The following RALYL variants were observed in gnomAD, a reference collection of about 807,000 sequenced individuals.
RALYL encodes RNA-binding Raly-like protein.
RALYL carries 29 observed loss-of-function variants against 35.1 expected under a neutral mutation model. The ratio of observed to expected loss-of-function variants is 0.83; its 90% CI spans 0.61 to 1.13. The LOEUF (loss-of-function observed/expected upper bound fraction) is 1.13. RALYL is among the 50% of genes most tolerant of loss of function. RALYL has a pLI of 0.00. For missense variants in RALYL, 359 were observed against 360.4 expected, an observed-to-expected ratio of 1.00 and a Z score of 0.03; for synonymous variants, 120 against 127.6, an observed-to-expected ratio of 0.94 and a Z score of 0.40.
At chr8:84,502,905 C>T (rs1457006810) in intron 1 of RALYL, among the ~76,000 whole-genome samples, 1 of 137,764 alleles carries the variant, frequency 7.3e-6, no homozygotes, top group African/African-American at 2.6e-5. Context: ...AATCAAAGAC[C>T]CACTCTTTAA....
At chr8:84,761,000 T>C (rs914965829) in intron 2 of RALYL, among the ~76,000 whole-genome samples, 3 of 152,100 alleles carry the variant, frequency 2.0e-5, no homozygotes, top group African/African-American at 4.8e-5. Flanking sequence ...ATAGAAAATA[T>C]GTTAAAAGCA....
At chr8:84,885,125 T>C (rs954578265) in intron 7 of RALYL, among the ~76,000 whole-genome samples, 3 of 152,018 alleles carry the variant, frequency 2.0e-5, no homozygotes, top group African/African-American at 7.2e-5. Flanking sequence ...AATAGATGTG[T>C]ATGTGGGTTA....
intron 7 of RALYL, among the ~76,000 whole-genome samples, chr8:84,877,241 C>T (rs1190058313): frequency 6.6e-6 from 1 of 152,110 alleles, no homozygotes; most frequent in African/African-American, 2.4e-5. Context: ...AATCCTAGCA[C>T]TTTGGGAGGC....
At chr8:84,445,121 C>G in intron 1 of RALYL, among the ~76,000 whole-genome samples, 1 of 152,034 alleles carries the variant, frequency 6.6e-6, no homozygotes, top group East Asian at 1.9e-4. Flanking sequence ...ACTAGATTAT[C>G]ACATTAATTC....
intron 1 of RALYL, among the ~76,000 whole-genome samples, chr8:84,418,531 CCTTT>C (rs1156274634): frequency 6.6e-6 from 1 of 151,948 alleles, no homozygotes; most frequent in Non-Finnish European, 1.5e-5. Flanking sequence ...TTTATTTACT[CCTTT>C]CTTTATTTAA....
chr8:84,277,439 A>G (rs1221885698), intron 1 of RALYL, among the ~76,000 whole-genome samples: 3 of 152,238 alleles, frequency 2.0e-5, no homozygotes, highest in Admixed American at 1.3e-4. Context: ...CAGCCAAACC[A>G]TATCATTCTG....
At chr8:84,287,026 G>A (rs553719777) in intron 1 of RALYL, among the ~76,000 whole-genome samples, 1 of 152,230 alleles carries the variant, frequency 6.6e-6, no homozygotes, top group Admixed American at 6.5e-5. Context: ...GACTTTCTTG[G>A]CTACTGTTTT....
intron 2 of RALYL, among the ~76,000 whole-genome samples, chr8:84,722,226 T>C (rs755976569): frequency 1.2e-4 from 18 of 152,112 alleles, no homozygotes; most frequent in Non-Finnish European, 1.6e-4. Flanking sequence ...CTGAGTATAA[T>C]TGAGATTTCC....
chr8:84,373,806 G>A (rs1856401944), intron 1 of RALYL, among the ~76,000 whole-genome samples: 1 of 151,872 alleles, frequency 6.6e-6, no homozygotes, highest in African/African-American at 2.4e-5. Context: ...GGGTGGTATG[G>A]CCATTTTTAT....
At chr8:84,410,717 G>C (rs556522567) in intron 1 of RALYL, among the ~76,000 whole-genome samples, 13 of 151,616 alleles carry the variant, frequency 8.6e-5, no homozygotes, top group Non-Finnish European at 4.4e-5. Flanking sequence ...AACAAAAAAA[G>C]ATTTAATACG....
intron 7 of RALYL, 53 bp from the exon 8 acceptor site, chr8:84,887,551 A>G: frequency 6.6e-7 from 1 of 1,510,400 alleles, no homozygotes; most frequent in Non-Finnish European, 8.9e-7. Flanking sequence ...GGTTTATCCA[A>G]ATGGCTCATG....
chr8:84,658,795 G>A (rs1830391430), intron 2 of RALYL, among the ~76,000 whole-genome samples: 1 of 152,086 alleles, frequency 6.6e-6, no homozygotes, highest in Non-Finnish European at 1.5e-5. Context: ...GAGAAGAGGG[G>A]ACGTATTGAA....
chr8:84,719,624 T>G (rs1383357475), intron 2 of RALYL, among the ~76,000 whole-genome samples: 2 of 152,178 alleles, frequency 1.3e-5, no homozygotes, highest in Non-Finnish European at 2.9e-5. Context: ...TGATACTAGT[T>G]TCTAGTTAAT....
chr8:84,311,264 T>C (rs1361369388), intron 1 of RALYL, among the ~76,000 whole-genome samples: 1 of 151,782 alleles, frequency 6.6e-6, no homozygotes, highest in Non-Finnish European at 1.5e-5. Context: ...TTATCACCAC[T>C]ACTGTTTAAT....
At chr8:84,832,757 C>T (rs553475157) in intron 4 of RALYL, among the ~76,000 whole-genome samples, 5 of 152,252 alleles carry the variant, frequency 3.3e-5, no homozygotes, top group African/African-American at 1.2e-4. Flanking sequence ...TAATCCTCTT[C>T]TCTAAAAAGA....
intron 3 of RALYL, among the ~76,000 whole-genome samples, chr8:84,781,645 A>G (rs1818197425): frequency 6.6e-6 from 1 of 152,234 alleles, no homozygotes; most frequent in South Asian, 2.1e-4. Flanking sequence ...AGGAAGTAAA[A>G]CCATGCAATC....
intron 2 of RALYL, among the ~76,000 whole-genome samples, chr8:84,647,031 G>C (rs1214685214): frequency 6.6e-6 from 1 of 152,050 alleles, no homozygotes; most frequent in African/African-American, 2.4e-5. Flanking sequence ...TCCTGGATGT[G>C]TGAATCATCT....
Position 84,869,847 on chromosome 8 carries a change from C to G in RALYL, c.572-3437C>G, listed in dbSNP as rs186219831. Among the ~76,000 whole-genome samples, 3 of 152,224 alleles carry G rather than the reference C, an allele frequency of 2.0e-5. No homozygotes were observed. The East Asian group carries it at 5.8e-4, about 29-fold the overall frequency. On this transcript the variant is annotated intron_variant, in intron 6 of 8. Transcript: ENST00000521268. ...AGAAATGCACAGATTTTTATATAGACAGATGATATCATCCCGTGTGCCTAA... is the reference window on the plus strand; with the variant it reads ...AGAAATGCACAGATTTTTATATAGAGAGATGATATCATCCCGTGTGCCTAA...
At chr8:84,692,419 G>C (rs534259122) in intron 2 of RALYL, among the ~76,000 whole-genome samples, 2 of 151,980 alleles carry the variant, frequency 1.3e-5, no homozygotes, top group Non-Finnish European at 2.9e-5. Flanking sequence ...AATTTTAAAG[G>C]GGTATCACTT....
Sources: gnomAD v4.1 joint callset for allele counts (sites outside exome capture counted in the v4.1 genomes callset) on GRCh38, gnomAD v4.1.1 for gene constraint, MANE v1.5 for transcripts, NCBI Gene and HGNC (gene_info 2026-07-23, HGNC 2026-07-21) for gene names.